THSD7B: variants seen among roughly 807,000 people sequenced by gnomAD.
The protein encoded by THSD7B is thrombospondin type-1 domain-containing protein 7B.
Under a neutral mutation model 213.6 loss-of-function variants are expected in THSD7B, and 138 were observed. The ratio of observed to expected loss-of-function variants is 0.65; its 90% CI spans 0.56 to 0.74. THSD7B has a LOEUF of 0.74. THSD7B is among the 30% of genes least tolerant of loss of function. THSD7B has a pLI of 0.00. For missense variants in THSD7B, 1,931 were observed against 1,991.5 expected (o/e 0.97, Z 0.58); for synonymous variants, 742 against 687.0 (o/e 1.08, Z -1.25).
chr2:136,849,507 C>T (rs942922413), intron 1 of THSD7B, among the ~76,000 whole-genome samples: 13 of 152,154 alleles, frequency 8.5e-5, no homozygotes, highest in African/African-American at 3.1e-4. Flanking sequence ...GCCAGACTTA[C>T]TGATGGGCAG....
intron 1 of THSD7B, among the ~76,000 whole-genome samples, chr2:136,803,956 A>G (rs568249378): frequency 5.3e-5 from 8 of 152,292 alleles, no homozygotes; most frequent in South Asian, 4.1e-4. Flanking sequence ...CCCAGTGACA[A>G]TGGTGAAGCC....
intron 6 of THSD7B, among the ~76,000 whole-genome samples, chr2:137,161,927 G>A (rs1036168225): frequency 1.3e-5 from 2 of 152,156 alleles, no homozygotes; most frequent in African/African-American, 2.4e-5. Context: ...TGTGAGGTTG[G>A]ACCAAGGCTC....
intron 1 of THSD7B, among the ~76,000 whole-genome samples, chr2:136,801,220 A>G (rs1193231793): frequency 6.6e-6 from 1 of 152,112 alleles, no homozygotes; most frequent in Non-Finnish European, 1.5e-5. Context: ...ATTTTAGACT[A>G]AAATAAATCT....
intron 15 of THSD7B, among the ~76,000 whole-genome samples, chr2:137,551,176 T>C (rs559667473): frequency 6.6e-6 from 1 of 152,212 alleles, no homozygotes; most frequent in South Asian, 2.1e-4. Context: ...GTCTGTTATA[T>C]GCATATATAA....
chr2:137,309,983 T>C (rs2104859045), intron 12 of THSD7B, among the ~76,000 whole-genome samples: 1 of 151,866 alleles, frequency 6.6e-6, no homozygotes, highest in African/African-American at 2.4e-5. Context: ...GCATGTGTCT[T>C]TATAGCAGCA....
At chr2:136,833,503 G>A (rs1239439860) in intron 1 of THSD7B, among the ~76,000 whole-genome samples, 2 of 132,860 alleles carry the variant, frequency 1.5e-5, no homozygotes, top group Admixed American at 1.7e-4. Flanking sequence ...TAGATTTAAG[G>A]CAATAATTAG....
intron 1 of THSD7B, among the ~76,000 whole-genome samples, chr2:136,772,475 T>C (rs1681525379): frequency 6.6e-6 from 1 of 152,140 alleles, no homozygotes; most frequent in East Asian, 1.9e-4. Context: ...TGAGGAACCA[T>C]TGGAAAATTC....
In THSD7B at chr2:137,074,374, T is replaced by G. The variant is rs540800688; in HGVS notation, c.950+17144T>G. Among the ~76,000 whole-genome samples, 103 of 152,324 alleles carry G rather than the reference T, an allele frequency of 6.8e-4. 4 individuals are homozygous for G. In the South Asian group the frequency reaches 0.021, roughly 31 times the overall value. On this transcript the variant is annotated intron_variant, in intron 3 of 27. Transcript: ENST00000409968. ...TTGTCTCTTTTGATCTTTGTTGGTT[T>G]AAAGTCTGTTTTATCCGAGACTAGG...
At chr2:137,239,417 C>T (rs1174734782) in intron 9 of THSD7B, among the ~76,000 whole-genome samples, 1 of 152,160 alleles carries the variant, frequency 6.6e-6, no homozygotes, top group Non-Finnish European at 1.5e-5. Context: ...CTCTCATTCA[C>T]CCACTTCCGT....
At chr2:137,186,348 A>T (rs987968470) in intron 7 of THSD7B, among the ~76,000 whole-genome samples, 1 of 151,994 alleles carries the variant, frequency 6.6e-6, no homozygotes, top group Non-Finnish European at 1.5e-5. Context: ...TTCTTCTAAG[A>T]ATTTTGTAGT....
At chr2:136,932,109 CCAAAGTCTTGTTTCT>C (rs1393943520) in intron 2 of THSD7B, among the ~76,000 whole-genome samples, 1 of 145,792 alleles carries the variant, frequency 6.9e-6, no homozygotes, top group Non-Finnish European at 1.5e-5. Context: ...GTATAATTTT[CCAAAGTCTTGTTTCT>C]CAAAGTAACA....
intron 16 of THSD7B, among the ~76,000 whole-genome samples, chr2:137,565,697 G>A (rs11900859): frequency 0.26 from 39,622 of 152,028 alleles, 5,263 homozygotes; most frequent in Middle Eastern, 0.36. Context: ...CTTCTGGCGA[G>A]GGCTTTTTGT....
intron 12 of THSD7B, among the ~76,000 whole-genome samples, chr2:137,392,446 A>G (rs926497769): frequency 6.6e-6 from 1 of 152,248 alleles, no homozygotes; most frequent in Non-Finnish European, 1.5e-5. Flanking sequence ...GGGTACATAT[A>G]TATCTAGAAT....
chr2:137,221,896 G>A (rs145953487), intron 7 of THSD7B, among the ~76,000 whole-genome samples: 36 of 152,254 alleles, frequency 2.4e-4, no homozygotes, highest in African/African-American at 6.7e-4. Context: ...GAAGTACTTT[G>A]TAAAGGTATA....
At chr2:137,365,690 G>A (rs1249842486) in intron 12 of THSD7B, among the ~76,000 whole-genome samples, 1 of 152,174 alleles carries the variant, frequency 6.6e-6, no homozygotes, top group African/African-American at 2.4e-5. Context: ...ACCACAATGA[G>A]ATACCATCTC....
intron 2 of THSD7B, among the ~76,000 whole-genome samples, chr2:136,965,860 G>A (rs904027925): frequency 2.6e-5 from 4 of 151,468 alleles, no homozygotes; most frequent in Non-Finnish European, 4.4e-5. Flanking sequence ...TATTTCCCAC[G>A]TGGTAGGTGC....
intron 2 of THSD7B, among the ~76,000 whole-genome samples, chr2:136,900,179 C>G (rs1414513312): frequency 1.3e-5 from 2 of 152,194 alleles, no homozygotes; most frequent in Non-Finnish European, 2.9e-5. Context: ...TATACCCTTA[C>G]TTTGTGCCCC....
chr2:137,366,753 T>TTA (rs1354035833), intron 12 of THSD7B, among the ~76,000 whole-genome samples: 6 of 152,142 alleles, frequency 3.9e-5, no homozygotes, highest in Non-Finnish European at 8.8e-5. Context: ...TTGAGAGGAC[T>TTA]TATGTAATTA....
chr2:137,233,259 G>C (rs1681684106), intron 9 of THSD7B, 126 bp downstream of exon 9: 2 of 850,564 alleles, frequency 2.4e-6, no homozygotes, highest in South Asian at 1.8e-5. Context: ...TGTTGTTGCT[G>C]TTTGACCATT....
Sources: allele counts gnomAD v4.1 joint callset (sites outside exome capture counted in the v4.1 genomes callset), GRCh38; gene constraint gnomAD v4.1.1; transcripts MANE v1.5; gene names NCBI Gene and HGNC (gene_info 2026-07-23, HGNC 2026-07-21).